The following ZNF185 variants were observed in gnomAD, a reference collection of about 807,000 sequenced individuals.
ZNF185 encodes zinc finger protein 185 with LIM domain.
In ZNF185, 56 loss-of-function variants were observed where a neutral mutation model predicts 58.6. That is an observed-to-expected ratio of 0.95 (90% CI 0.77 to 1.19). ZNF185 has a LOEUF of 1.19. Among genes scored for constraint, ZNF185 ranks in the 50% most tolerant of loss-of-function variants. ZNF185 has a pLI of 0.00. For synonymous variants in ZNF185, 230 were observed against 215.9 expected, an observed-to-expected ratio of 1.07 and a Z score of -0.57; for missense variants, 627 against 573.5, an observed-to-expected ratio of 1.09 and a Z score of -0.95.
intron 16 of ZNF185, among the ~76,000 whole-genome samples, chrX:152,956,131 T>G (rs2048803915): frequency 9.0e-6 from 1 of 111,713 alleles, no homozygotes. Flanking sequence ...GATGGCTGCA[T>G]GCAAACATTT....
At chrX:152,914,462 G>T in exon 1 of ZNF185, 1 of 1,170,087 alleles carries the variant, frequency 8.5e-7, no homozygotes, top group African/African-American at 1.8e-5. Flanking sequence ...GCTGAATCAA[G>T]TGAGAGGAGA....
intron 12 of ZNF185, among the ~76,000 whole-genome samples, chrX:152,931,385 T>G (rs1433339782): frequency 8.9e-6 from 1 of 112,127 alleles, no homozygotes. Context: ...ACCTCCCAAG[T>G]AGCTGGGACC....
intron 16 of ZNF185, among the ~76,000 whole-genome samples, chrX:152,957,277 T>G (rs1271417952): frequency 3.7e-5 from 4 of 108,275 alleles, no homozygotes; most frequent in Non-Finnish European, 7.6e-5. Context: ...TTTCATCATG[T>G]TGGCCAGGCT....
intron 16 of ZNF185, among the ~76,000 whole-genome samples, chrX:152,947,436 G>T (rs193302347): frequency 1.5e-4 from 17 of 112,015 alleles, no homozygotes; most frequent in African/African-American, 5.5e-4. Context: ...TGGTAGCCAA[G>T]GTTGCTCCCC....
the ZNF185 span, among the ~76,000 whole-genome samples, chrX:152,904,163 G>A: frequency 7.1e-5 from 8 of 112,002 alleles, no homozygotes; most frequent in Non-Finnish European, 1.9e-5. Context: ...GAGCCCCTGG[G>A]ACTGGAGCAT....
intron 2 of ZNF185, 51 bp downstream of exon 3, chrX:152,914,884 C>T (rs376220720): frequency 6.1e-5 from 70 of 1,144,680 alleles, no homozygotes; most frequent in Non-Finnish European, 7.7e-5. Flanking sequence ...GCGCGCAATC[C>T]GTGGGGGACC....
At chrX:152,959,970 A>T in intron 17 of ZNF185, 74 bp downstream of exon 19, 1 of 980,453 alleles carries the variant, frequency 1.0e-6, no homozygotes. Flanking sequence ...CCCAGGACAA[A>T]CCCCCACACA....
chrX:152,967,023 A>G (rs2125981878), intron 19 of ZNF185, 144 bp from the exon 22 acceptor site: 2 of 515,372 alleles, frequency 3.9e-6, no homozygotes, highest in Admixed American at 3.5e-5. Context: ...CCCCCATAGA[A>G]GGGCCCTGTG....
rs782425868 is a variant in ZNF185 at position 152,916,014 on chromosome X, C to G, written c.224+811C>G. ...CGATGACTCAGCGCCCACTACCTGC[C>G]AGGTCCCATGCTGGGCACAGAGGAT... On this transcript the variant is annotated intron_variant, in intron 3 of 22. Coordinates refer to ENST00000449285, the Ensembl canonical transcript of ZNF185. 2.4e-4 allele frequency among the ~76,000 whole-genome samples: 27 copies of G among 112,127 alleles called. 1 individual carries two copies. Among genetic ancestry groups the G allele is most frequent in the Non-Finnish European group, 1.9e-5 (1 of 53,164 alleles).
In ZNF185 at chrX:152,919,022, CACCG is replaced by C; in HGVS notation, c.473_476del (p.Thr158ArgfsTer27). Reference sequence around the variant, plus strand: ...TCAGGCGCAGCTCTACATCAGGGGACACCGAGGAGGAGGAGGAGGAGGAGGTGGT... The same window carrying C: ...TCAGGCGCAGCTCTACATCAGGGGACAGGAGGAGGAGGAGGAGGAGGTGGT... On this transcript the variant is annotated frameshift_variant, in exon 7 of 23. Coordinates refer to ENST00000449285, the Ensembl canonical transcript of ZNF185. LOFTEE classifies it high-confidence loss of function. 8.3e-7 allele frequency: 1 copy of C among 1,210,545 alleles called. No homozygotes were observed. The highest frequency in any genetic ancestry group is 1.1e-6 in the Non-Finnish European group (1 of 894,929).
At position 152,938,901 on chromosome X, in the gene ZNF185, T is replaced by TTGG. The variant is rs2046766599; in HGVS notation, c.1211+738_1211+739insTGG. On this transcript the variant is annotated intron_variant, in intron 15 of 22. Transcript: ENST00000449285. ...GGTGGAAAAGGCAACTCAGGCGATCTCCTCTAAAGAGGAGAAGGAGCCAAC... is the reference window on the plus strand; with the variant it reads ...GGTGGAAAAGGCAACTCAGGCGATCTTGGCCTCTAAAGAGGAGAAGGAGCCAAC... Among the ~76,000 whole-genome samples, 5 of 83,627 alleles carry TTGG rather than the reference T, an allele frequency of 6.0e-5. 1 individual carries two copies. Among genetic ancestry groups the TTGG allele is most frequent in the African/African-American group, 2.9e-4 (5 of 17,224 alleles). 72.6% of individuals were successfully genotyped at this position (83,627 alleles called of 115,157 possible).
At chrX:152,913,308 G>A (rs1229183921), upstream of ZNF185, among the ~76,000 whole-genome samples, 1 of 112,509 alleles carries the variant, frequency 8.9e-6, no homozygotes, top group Non-Finnish European at 1.9e-5. Flanking sequence ...CAAGGGTTCG[G>A]CTGTGGCCAC....
chrX:152,904,309 C>T, the ZNF185 span, among the ~76,000 whole-genome samples: 1 of 112,175 alleles, frequency 8.9e-6, no homozygotes, highest in Non-Finnish European at 1.9e-5. Flanking sequence ...CCTAAATCAC[C>T]GTTGAAGTGC....
chrX:152,967,506 G>T (rs1307940938), intron 20 of ZNF185, among the ~76,000 whole-genome samples: 1 of 112,338 alleles, frequency 8.9e-6, no homozygotes. Flanking sequence ...CAACCCAGAG[G>T]ACTCGTGTCA....
upstream of ZNF185, among the ~76,000 whole-genome samples, chrX:152,912,194 T>A (rs1421619257): frequency 8.9e-6 from 1 of 112,101 alleles, no homozygotes; most frequent in Admixed American, 9.5e-5. Context: ...CAGCCAGGCG[T>A]GAGGGAAAGG....
At chrX:152,932,770 C>A in intron 13 of ZNF185, 103 bp from the exon 15 acceptor site, 1 of 569,517 alleles carries the variant, frequency 1.8e-6, no homozygotes, top group Admixed American at 3.1e-5. Flanking sequence ...GAGTAGCAGC[C>A]AAAGGCCTGT....
At chrX:152,931,110 G>A (rs1318340997) in intron 12 of ZNF185, among the ~76,000 whole-genome samples, 1 of 111,766 alleles carries the variant, frequency 8.9e-6, no homozygotes, top group African/African-American at 3.3e-5. Context: ...ACGAGAACAG[G>A]CTCAAATGCT....
chrX:152,918,335 G>A (rs1220803663), intron 6 of ZNF185, among the ~76,000 whole-genome samples, 181 bp downstream of exon 7: 1 of 113,138 alleles, frequency 8.8e-6, no homozygotes, highest in Non-Finnish European at 1.9e-5. Context: ...ACAAGCCCCA[G>A]AAAACTGGAT....
At chrX:152,898,799 G>A in the ZNF185 span, among the ~76,000 whole-genome samples, 1 of 112,575 alleles carries the variant, frequency 8.9e-6, no homozygotes, top group African/African-American at 3.2e-5. Context: ...GGGTGTTATC[G>A]ACAGGATCGG....
Sources: gnomAD v4.1 joint callset for allele counts (sites outside exome capture counted in the v4.1 genomes callset) on GRCh38, gnomAD v4.1.1 for gene constraint, MANE v1.5 for transcripts, NCBI Gene and HGNC (gene_info 2026-07-23, HGNC 2026-07-21) for gene names.